Variants in CDH9 observed in about 807,000 individuals in gnomAD.
The protein encoded by CDH9 is cadherin-9.
A neutral mutation model predicts 70.9 loss-of-function variants in CDH9; 28 were observed. The ratio of observed to expected loss-of-function variants is 0.40; its 90% CI spans 0.29 to 0.54. CDH9 has a LOEUF of 0.54. CDH9 is among the 20% of genes least tolerant of loss of function. CDH9 has a pLI of 0.59. For missense variants in CDH9, 874 were observed against 984.4 expected (o/e 0.89, Z 1.50); for synonymous variants, 409 against 343.1 (o/e 1.19, Z -2.12).
intron 2 of CDH9, among the ~76,000 whole-genome samples, chr5:26,968,295 A>AT (rs11433009): frequency 0.32 from 48,427 of 150,764 alleles, 9,493 homozygotes; most frequent in Non-Finnish European, 0.44. Flanking sequence ...TTTTATTTTT[A>AT]TTTTTTTTGA....
At chr5:26,915,202 T>A (rs1240588123) in intron 3 of CDH9, among the ~76,000 whole-genome samples, 1 of 151,986 alleles carries the variant, frequency 6.6e-6, no homozygotes, top group Non-Finnish European at 1.5e-5. Flanking sequence ...GCCTACCACA[T>A]AAGTTGGCTT....
At chr5:26,996,900 A>T (rs1386981729) in intron 1 of CDH9, among the ~76,000 whole-genome samples, 1 of 152,026 alleles carries the variant, frequency 6.6e-6, no homozygotes, top group African/African-American at 2.4e-5. Context: ...AAATTAGTTT[A>T]AGGAAAACAG....
chr5:27,028,282 A>G (rs1464348422), intron 1 of CDH9: 1 of 151,756 alleles, frequency 6.6e-6, no homozygotes, highest in African/African-American at 2.4e-5. Flanking sequence ...GGGAGGTTGA[A>G]TCACAATAAT....
rs78992988 is a variant in CDH9, at chr5:26,900,254, A to G, written c.1253+2222T>C. Among the ~76,000 whole-genome samples the G allele has an allele frequency of 2.2e-4, 34 of 152,198 alleles. No individual in the cohort carries two copies. The East Asian group carries it at 4.8e-3, about 22-fold the overall frequency. Reference sequence around the variant, plus strand: ...CCAAATATTGTCATTTTTAAATCCTACCAAACATTAAGGAAACATTCTAAT... The same window carrying G: ...CCAAATATTGTCATTTTTAAATCCTGCCAAACATTAAGGAAACATTCTAAT... On this transcript the variant is annotated intron_variant, in intron 7 of 11. Transcript: ENST00000231021.
intron 2 of CDH9, among the ~76,000 whole-genome samples, chr5:26,979,595 G>T (rs1742364916): frequency 6.6e-6 from 1 of 151,820 alleles, no homozygotes; most frequent in African/African-American, 2.4e-5. Flanking sequence ...TTGTCAGATT[G>T]CGTAAAAAGA....
intron 2 of CDH9, among the ~76,000 whole-genome samples, chr5:26,967,151 A>C (rs1345613931): frequency 6.6e-6 from 1 of 151,854 alleles, no homozygotes; most frequent in Non-Finnish European, 1.5e-5. Context: ...ACAGGTTCTC[A>C]CTACCTTTCC....
At chr5:26,889,032 A>G (rs1740610770) in intron 9 of CDH9, among the ~76,000 whole-genome samples, 1 of 152,116 alleles carries the variant, frequency 6.6e-6, no homozygotes, top group Non-Finnish European at 1.5e-5. Flanking sequence ...GAGGAGGGCT[A>G]CAAACATTCA....
At chr5:26,957,506 A>G (rs923519555) in intron 2 of CDH9, among the ~76,000 whole-genome samples, 3 of 152,094 alleles carry the variant, frequency 2.0e-5, no homozygotes, top group African/African-American at 7.2e-5. Flanking sequence ...TACTAAAAAT[A>G]CAAAAATTAG....
intron 1 of CDH9, among the ~76,000 whole-genome samples, chr5:27,015,198 A>C (rs1743026161): frequency 6.6e-6 from 1 of 151,858 alleles, no homozygotes. Flanking sequence ...TATTCCTGTT[A>C]CAAAATCACG....
chr5:26,984,370 G>C (rs1364964342), intron 2 of CDH9, among the ~76,000 whole-genome samples: 2 of 152,078 alleles, frequency 1.3e-5, no homozygotes, highest in Non-Finnish European at 2.9e-5. Flanking sequence ...TCACAATTGT[G>C]AAAAATAAAC....
intron 2 of CDH9, among the ~76,000 whole-genome samples, chr5:26,985,196 G>A (rs1357001655): frequency 6.6e-6 from 1 of 151,878 alleles, no homozygotes; most frequent in East Asian, 1.9e-4. Context: ...CTTTTATTGT[G>A]CTATATACAC....
At chr5:27,002,288 A>G (rs370452436) in intron 1 of CDH9, among the ~76,000 whole-genome samples, 12 of 152,010 alleles carry the variant, frequency 7.9e-5, no homozygotes, top group Admixed American at 6.6e-4. Flanking sequence ...TGGAGAGGAT[A>G]TGGAGAAATA....
In CDH9 at chr5:26,902,530, C is replaced by T; in HGVS notation, c.1199G>A (p.Ser400Asn). The T allele has an allele frequency of 6.2e-7, 1 of 1,601,568 alleles. No individual in the cohort carries two copies. The highest frequency in any genetic ancestry group is 8.6e-7 in the Non-Finnish European group (1 of 1,168,964). ...IEVDEDVKEG[S>N]IIGQVTAYDP... is the part of the protein sequence containing the mutation. ...GTATGCTGTAACCTGTCCAATGATA[C>T]TGCCCTCCTTTACATCTTCATCTAC... Residue 400 changes from serine to asparagine, a missense_variant, in exon 7 of 12, where the codon AGT (serine) becomes AAT (asparagine). Transcript: ENST00000231021.
chr5:26,915,104 G>A (rs1384245488), intron 3 of CDH9, among the ~76,000 whole-genome samples: 3 of 152,018 alleles, frequency 2.0e-5, no homozygotes, highest in African/African-American at 7.2e-5. Context: ...GATGCTACCA[G>A]GTTATTTGAT....
At chr5:26,973,238 G>C (rs1042940096) in intron 2 of CDH9, among the ~76,000 whole-genome samples, 14 of 152,004 alleles carry the variant, frequency 9.2e-5, no homozygotes, top group African/African-American at 3.4e-4. Context: ...TTGATTACTG[G>C]AGCTCTAAAA....
chr5:27,016,279 A>G (rs1204428645), intron 1 of CDH9, among the ~76,000 whole-genome samples: 2 of 151,860 alleles, frequency 1.3e-5, no homozygotes, highest in Non-Finnish European at 1.5e-5. Flanking sequence ...AGTCATTTTT[A>G]TCATTCAGTG....
rs559720715 is a variant in CDH9, at chr5:26,931,760, T to C, written c.229-15836A>G. 1.4e-3 allele frequency among the ~76,000 whole-genome samples: 219 copies of C among 152,266 alleles called. 1 individual carries two copies. The highest frequency in any genetic ancestry group is 5.1e-3 in the African/African-American group (212 of 41,556). ...CGAAGTGTGTGTGTGTGTCTGTATGTGTGTGTGGTATGCCAATGGAAGCAG... is the reference window on the plus strand; with the variant it reads ...CGAAGTGTGTGTGTGTGTCTGTATGCGTGTGTGGTATGCCAATGGAAGCAG... On this transcript the variant is annotated intron_variant, in intron 2 of 11. Coordinates refer to ENST00000231021, the MANE Select transcript of CDH9 (RefSeq NM_016279.4).
chr5:26,905,564 A>G (rs767118215), intron 5 of CDH9, among the ~76,000 whole-genome samples: 11 of 152,188 alleles, frequency 7.2e-5, no homozygotes, highest in Non-Finnish European at 1.3e-4. Context: ...TGAGAGACAC[A>G]GGATTTGAAT....
At chr5:26,917,620 G>A (rs935647356) in intron 2 of CDH9, among the ~76,000 whole-genome samples, 1 of 151,936 alleles carries the variant, frequency 6.6e-6, no homozygotes, top group Non-Finnish European at 1.5e-5. Flanking sequence ...TCCTTTGCAA[G>A]CTCAGCATCA....
Sources: gnomAD v4.1 joint callset for allele counts (sites outside exome capture counted in the v4.1 genomes callset) on GRCh38, gnomAD v4.1.1 for gene constraint, MANE v1.5 for transcripts, NCBI Gene and HGNC (gene_info 2026-07-23, HGNC 2026-07-21) for gene names.